Variants in SLC1A2 observed in about 807,000 individuals in gnomAD.
SLC1A2 encodes the protein solute carrier family 1 member 2, also known as excitatory amino acid transporter 2.
SLC1A2 carries 15 observed loss-of-function variants against 48.8 expected under a neutral mutation model. The observed-to-expected ratio is 0.31, with a 90% CI of 0.21 to 0.47. The LOEUF (loss-of-function observed/expected upper bound fraction) is 0.47. Among genes scored for constraint, SLC1A2 ranks in the 20% least tolerant of loss-of-function variants. The probability of loss-of-function intolerance (pLI) is 0.99; values close to 1 mark genes in which losing one functional copy is unlikely to be tolerated. For synonymous variants in SLC1A2, 279 were observed against 272.6 expected, an observed-to-expected ratio of 1.02 and a Z score of -0.23; for missense variants, 502 against 730.5, an observed-to-expected ratio of 0.69 and a Z score of 3.61.
chr11:35,339,979 C>T (rs1230946483), intron 1 of SLC1A2, among the ~76,000 whole-genome samples: 1 of 152,162 alleles, frequency 6.6e-6, no homozygotes, highest in East Asian at 1.9e-4. Context: ...AACGACAAAG[C>T]CCTCTTGGCT....
At chr11:35,371,943 A>C (rs1225056494) in intron 1 of SLC1A2, among the ~76,000 whole-genome samples, 2 of 152,236 alleles carry the variant, frequency 1.3e-5, no homozygotes, top group South Asian at 4.1e-4. Flanking sequence ...ATGCAAAACA[A>C]AATGATAGTA....
At chr11:35,275,733 A>G (rs1321312639) in intron 9 of SLC1A2, among the ~76,000 whole-genome samples, 1 of 152,208 alleles carries the variant, frequency 6.6e-6, no homozygotes, top group African/African-American at 2.4e-5. Flanking sequence ...TTAAATTGAA[A>G]AATTGCTAGA....
intron 7 of SLC1A2, 51 bp from the exon 8 acceptor site, chr11:35,287,002 C>G (rs367748005): frequency 1.4e-5 from 19 of 1,404,824 alleles, no homozygotes; most frequent in Non-Finnish European, 1.8e-5. Context: ...TTTAGAGAAG[C>G]AGGACAATGC....
intron 10 of SLC1A2, among the ~76,000 whole-genome samples, chr11:35,262,313 G>A (rs911705810): frequency 1.3e-5 from 2 of 152,184 alleles, no homozygotes; most frequent in African/African-American, 4.8e-5. Context: ...ACAGCACTTG[G>A]GGGGAAGTGT....
intron 1 of SLC1A2, among the ~76,000 whole-genome samples, chr11:35,346,620 A>C (rs551105038): frequency 5.3e-5 from 8 of 152,260 alleles, no homozygotes; most frequent in Non-Finnish European, 1.2e-4. Context: ...GGTTCACGTC[A>C]TATACGCCAG....
intron 1 of SLC1A2, among the ~76,000 whole-genome samples, chr11:35,319,863 A>G (rs903227603): frequency 1.3e-5 from 2 of 152,232 alleles, no homozygotes; most frequent in African/African-American, 4.8e-5. Context: ...AATTCTCGTG[A>G]GTTACCCTCT....
Position 35,378,089 on chromosome 11 carries a change from A to C in SLC1A2, c.17+40861T>G, listed in dbSNP as rs115763783. Among the ~76,000 whole-genome samples the C allele has an allele frequency of 7.7e-3, 1,176 of 152,320 alleles. 15 individuals are homozygous for C. Among genetic ancestry groups the C allele is most frequent in the African/African-American group, 0.027 (1,126 of 41,568 alleles). On this transcript the variant is annotated intron_variant, in intron 1 of 10. Coordinates refer to ENST00000278379, the MANE Select transcript of SLC1A2 (RefSeq NM_004171.4). ...GCTCCCAGAAATCCAAACCCAGCTGATTGGTTTTACACTTGGAAACATAAT... is the reference window on the plus strand; with the variant it reads ...GCTCCCAGAAATCCAAACCCAGCTGCTTGGTTTTACACTTGGAAACATAAT...
chr11:35,417,368 G>A (rs1297806602), intron 1 of SLC1A2, among the ~76,000 whole-genome samples: 7 of 152,226 alleles, frequency 4.6e-5, no homozygotes, highest in Non-Finnish European at 1.0e-4. Context: ...GAGTGAGCTG[G>A]ATGCAGGATT....
At chr11:35,339,064 C>T (rs914641211) in intron 1 of SLC1A2, among the ~76,000 whole-genome samples, 2 of 152,120 alleles carry the variant, frequency 1.3e-5, no homozygotes, top group African/African-American at 4.8e-5. Flanking sequence ...TATGACTGTC[C>T]CATGGCAAGA....
At chr11:35,334,451 T>C (rs910846449) in intron 1 of SLC1A2, among the ~76,000 whole-genome samples, 6 of 152,212 alleles carry the variant, frequency 3.9e-5, no homozygotes, top group African/African-American at 1.4e-4. Flanking sequence ...AATCACGTTG[T>C]TGTTACTAAA....
chr11:35,400,177 A>G (rs1855092254), intron 1 of SLC1A2, among the ~76,000 whole-genome samples: 1 of 152,198 alleles, frequency 6.6e-6, no homozygotes, highest in South Asian at 2.1e-4. Context: ...CTAGCAACCT[A>G]CCCTAAGAAA....
chr11:35,416,880 A>C (rs1356889006), intron 1 of SLC1A2, among the ~76,000 whole-genome samples: 6 of 152,240 alleles, frequency 3.9e-5, no homozygotes, highest in Non-Finnish European at 8.8e-5. Context: ...AAAATCCTTG[A>C]CTGGATGGAG....
chr11:35,307,143 C>T (rs1591452788), intron 4 of SLC1A2: 1 of 152,222 alleles, frequency 6.6e-6, no homozygotes, highest in Admixed American at 6.5e-5. Context: ...AACTCATGAT[C>T]CACCTGTTTT....
chr11:35,303,760 G>A (rs1851422704), intron 5 of SLC1A2, among the ~76,000 whole-genome samples: 1 of 151,978 alleles, frequency 6.6e-6, no homozygotes, highest in East Asian at 1.9e-4. Flanking sequence ...GTTGGGAGAG[G>A]GTGGAGACCA....
chr11:35,308,344 A>T (rs115262653), intron 4 of SLC1A2, among the ~76,000 whole-genome samples: 1,948 of 152,318 alleles, frequency 0.013, 48 homozygotes, highest in African/African-American at 0.044. Flanking sequence ...AGGAGATAGG[A>T]ACACGAACGC....
chr11:35,339,711 C>T (rs1178660950), intron 1 of SLC1A2, among the ~76,000 whole-genome samples: 4 of 152,096 alleles, frequency 2.6e-5, no homozygotes, highest in African/African-American at 9.7e-5. Flanking sequence ...ATTGGACACA[C>T]AGAAGATTGA....
At chr11:35,289,458 A>G (rs1046580826) in intron 7 of SLC1A2, among the ~76,000 whole-genome samples, 5 of 151,830 alleles carry the variant, frequency 3.3e-5, no homozygotes, top group Non-Finnish European at 7.4e-5. Flanking sequence ...TTTTTTTCAA[A>G]TGAAATACAG....
At chr11:35,308,939 C>T (rs1462626468) in intron 4 of SLC1A2, among the ~76,000 whole-genome samples, 1 of 152,202 alleles carries the variant, frequency 6.6e-6, no homozygotes, top group African/African-American at 2.4e-5. Context: ...CCCACCAAGT[C>T]ATGCCTGAGC....
chr11:35,259,184 AAAAG>A lies in SLC1A2; in HGVS notation c.*1706_*1709del, dbSNP rs1242768506. On this transcript the variant is annotated 3_prime_UTR_variant, in exon 11 of 11. Coordinates refer to ENST00000278379, the MANE Select transcript of SLC1A2 (RefSeq NM_004171.4). The stretch of plus-strand genomic sequence containing the variant: ...TGTATGTTTCAAAGGTATCTGATTT[AAAAG>A]AGAGAAGTCACAAGGAGCAGATAAG... The A allele has an allele frequency of 6.6e-5, 10 of 152,658 alleles. No homozygotes were observed. Among genetic ancestry groups the A allele is most frequent in the Non-Finnish European group, 1.2e-4 (8 of 68,044 alleles). The allele number at this position is 152,658 out of a possible 1,614,324, so 9.5% of individuals were successfully genotyped here.
Sources: gnomAD v4.1 joint callset for allele counts (sites outside exome capture counted in the v4.1 genomes callset) on GRCh38, gnomAD v4.1.1 for gene constraint, MANE v1.5 for transcripts, NCBI Gene and HGNC (gene_info 2026-07-23, HGNC 2026-07-21) for gene names.